Variants in UTS2B observed in about 807,000 individuals in gnomAD.
UTS2B encodes the protein urotensin 2B, also known as urotensin-2B.
In UTS2B, 21 loss-of-function variants were observed where a neutral mutation model predicts 19.2. That is an observed-to-expected ratio of 1.09 (90% CI 0.78 to 1.58). The LOEUF is 1.58. Ranked by LOEUF, UTS2B falls within the 40% of genes most tolerant of loss-of-function variation. UTS2B has a pLI of 0.00. For missense variants in UTS2B, 138 were observed against 130.3 expected (o/e 1.06, Z -0.29); for synonymous variants, 57 against 50.2 (o/e 1.14, Z -0.58).
At chr3:191,274,624 C>T (rs1716180101) in intron 8 of UTS2B, among the ~76,000 whole-genome samples, 1 of 152,046 alleles carries the variant, frequency 6.6e-6, no homozygotes, top group South Asian at 2.1e-4. Flanking sequence ...CATCTTCTTC[C>T]CTCAATAATA....
chr3:191,289,173 A>G lies in UTS2B; in HGVS notation c.-124-6860T>C, dbSNP rs899575811. On this transcript the variant is annotated intron_variant, in intron 4 of 8. Coordinates refer to ENST00000340524, the MANE Select transcript of UTS2B (RefSeq NM_198152.5). ...GCCTGTAATCCCAGCACTTTGGGAG[A>G]CCGAGGTGGGTGGATCACGAAGTCA... 3.9e-5 allele frequency among the ~76,000 whole-genome samples: 6 copies of G among 152,094 alleles called. No individual in the cohort carries two copies. In the East Asian group the frequency reaches 5.8e-4, roughly 15 times the overall value.
In UTS2B at chr3:191,309,419, C is replaced by T. The variant is rs138341936; in HGVS notation, c.-181-4871G>A. Among the ~76,000 whole-genome samples, 442 of 152,026 alleles carry T rather than the reference C, an allele frequency of 2.9e-3. 6 individuals carry two copies. Among genetic ancestry groups the T allele is most frequent in the African/African-American group, 9.4e-3 (389 of 41,460 alleles). On this transcript the variant is annotated intron_variant, in intron 3 of 8. Coordinates refer to ENST00000340524, the MANE Select transcript of UTS2B (RefSeq NM_198152.5). ...CGATCTCCTGACCTCGTGATCTGCC[C>T]GCCTCAGCCTCCCAAAGTGCTGGGA...
At chr3:191,316,518 C>T (rs895817243) in intron 2 of UTS2B, 79 bp from the exon 3 acceptor site, 2 of 151,900 alleles carry the variant, frequency 1.3e-5, no homozygotes, top group Admixed American at 6.5e-5. Context: ...CAGCAGCCTG[C>T]TTTTATTCCC....
chr3:191,286,649 T>C (rs1437166213), intron 4 of UTS2B, among the ~76,000 whole-genome samples: 3 of 151,192 alleles, frequency 2.0e-5, no homozygotes, highest in Non-Finnish European at 4.4e-5. Flanking sequence ...TACCAATAAA[T>C]GCCTATATTA....
intron 4 of UTS2B, among the ~76,000 whole-genome samples, chr3:191,292,189 ATTT>A (rs1401429329): frequency 1.3e-5 from 2 of 151,754 alleles, no homozygotes; most frequent in African/African-American, 4.8e-5. Flanking sequence ...TTGTGAATTA[ATTT>A]GGAGAATTTT....
intron 1 of UTS2B, 66 bp downstream of exon 1, chr3:191,330,347 CA>C (rs1717937016): frequency 6.6e-6 from 1 of 152,484 alleles, no homozygotes; most frequent in African/African-American, 2.4e-5. Flanking sequence ...GCGAGGGGAA[CA>C]GGGGACTGAT....
At chr3:191,295,111 A>C (rs1716824183) in intron 4 of UTS2B, among the ~76,000 whole-genome samples, 1 of 151,956 alleles carries the variant, frequency 6.6e-6, no homozygotes, top group African/African-American at 2.4e-5. Context: ...TTATTAGGAC[A>C]CTCATATAAT....
chr3:191,327,761 C>T (rs535447268), intron 2 of UTS2B, among the ~76,000 whole-genome samples: 63 of 152,162 alleles, frequency 4.1e-4, no homozygotes, highest in Middle Eastern at 3.4e-3. Context: ...GAAGTAGAAA[C>T]GATAGATTTG....
At chr3:191,284,410 C>T (rs1046332230) in intron 4 of UTS2B, among the ~76,000 whole-genome samples, 1 of 151,876 alleles carries the variant, frequency 6.6e-6, no homozygotes, top group African/African-American at 2.4e-5. Context: ...CAACCTTCAC[C>T]TCCCAGGTTC....
At chr3:191,272,269 C>G (rs1263655374) in intron 8 of UTS2B, among the ~76,000 whole-genome samples, 1 of 152,170 alleles carries the variant, frequency 6.6e-6, no homozygotes, top group African/African-American at 2.4e-5. Context: ...TACCTAAAAT[C>G]TGACACAGTA....
At chr3:191,295,805 C>T (rs931209535) in intron 4 of UTS2B, among the ~76,000 whole-genome samples, 8 of 150,050 alleles carry the variant, frequency 5.3e-5, no homozygotes, top group Non-Finnish European at 1.0e-4. Flanking sequence ...CTTTTCCAAT[C>T]AATCACAAAG....
intron 3 of UTS2B, among the ~76,000 whole-genome samples, chr3:191,309,397 T>C (rs1717229319): frequency 6.6e-6 from 1 of 152,028 alleles, no homozygotes; most frequent in Non-Finnish European, 1.5e-5. Flanking sequence ...ACGGTCTCGA[T>C]CTCCTGACCT....
chr3:191,320,030 ACTATT>A (rs1434305608), intron 2 of UTS2B, among the ~76,000 whole-genome samples: 1 of 152,132 alleles, frequency 6.6e-6, no homozygotes, highest in African/African-American at 2.4e-5. Context: ...ATATGTCAAC[ACTATT>A]CTATGTACTG....
At chr3:191,331,840 A>G (rs750298322), upstream of UTS2B, among the ~76,000 whole-genome samples, 8 of 152,212 alleles carry the variant, frequency 5.3e-5, no homozygotes, top group Non-Finnish European at 1.0e-4. Flanking sequence ...CTGATAGGGT[A>G]AAACATGTGC....
intron 1 of UTS2B, chr3:191,329,438 C>T (rs1717863003): frequency 4.4e-6 from 2 of 452,116 alleles, no homozygotes; most frequent in Non-Finnish European, 7.8e-6. Context: ...GCCGGGGACG[C>T]GGAGCAGGTG....
At chr3:191,286,409 A>T (rs1234591261) in intron 4 of UTS2B, among the ~76,000 whole-genome samples, 1 of 151,950 alleles carries the variant, frequency 6.6e-6, no homozygotes, top group Non-Finnish European at 1.5e-5. Flanking sequence ...GAATGAAGTC[A>T]TATCTTATAT....
intron 3 of UTS2B, among the ~76,000 whole-genome samples, chr3:191,311,093 C>G (rs527319031): frequency 6.6e-6 from 1 of 152,234 alleles, no homozygotes; most frequent in African/African-American, 2.4e-5. Flanking sequence ...CACAGTGAAC[C>G]CACTGAGCAA....
chr3:191,340,669 CT>C, the UTS2B span, among the ~76,000 whole-genome samples: 1 of 152,142 alleles, frequency 6.6e-6, no homozygotes, highest in Non-Finnish European at 1.5e-5. Flanking sequence ...AGTGGCGGAG[CT>C]TATTAAACAT....
chr3:191,345,294 T>C, the UTS2B span, among the ~76,000 whole-genome samples: 1 of 152,216 alleles, frequency 6.6e-6, no homozygotes, highest in Non-Finnish European at 1.5e-5. Flanking sequence ...ACAGGAAGCT[T>C]ATGAGGTTGT....
Sources: gnomAD v4.1 joint callset for allele counts (sites outside exome capture counted in the v4.1 genomes callset) on GRCh38, gnomAD v4.1.1 for gene constraint, MANE v1.5 for transcripts, NCBI Gene and HGNC (gene_info 2026-07-23, HGNC 2026-07-21) for gene names.